B3GALT1: variants seen among roughly 807,000 people sequenced by gnomAD.
B3GALT1 encodes the protein UDP-Gal:betaGlcNAc beta 1,3-galactosyltransferase, polypeptide 1.
In B3GALT1, 10 loss-of-function variants were observed where a neutral mutation model predicts 23.2. The observed-to-expected ratio is 0.43, with a 90% confidence interval of 0.27 to 0.73. B3GALT1 has a LOEUF of 0.73. B3GALT1 is among the 30% of genes least tolerant of loss of function. The pLI, the probability that B3GALT1 is intolerant of heterozygous loss-of-function variation, is 0.21. For synonymous variants in B3GALT1, 156 were observed against 141.5 expected (o/e 1.10, Z -0.73); for missense variants, 299 against 405.4 (o/e 0.74, Z 2.25).
At chr2:167,442,208 C>G (rs1223484267) in intron 1 of B3GALT1, among the ~76,000 whole-genome samples, 1 of 152,060 alleles carries the variant, frequency 6.6e-6, no homozygotes, top group Non-Finnish European at 1.5e-5. Flanking sequence ...AGGACATGAA[C>G]TCATCATTTT....
chr2:167,347,828 A>G (rs1317322974), intron 1 of B3GALT1, among the ~76,000 whole-genome samples: 2 of 152,220 alleles, frequency 1.3e-5, no homozygotes, highest in Admixed American at 6.5e-5. Context: ...AAAACAATTC[A>G]CTTACTTTTT....
At chr2:167,768,831 G>C (rs1688020437) in intron 3 of B3GALT1, among the ~76,000 whole-genome samples, 1 of 152,194 alleles carries the variant, frequency 6.6e-6, no homozygotes, top group African/African-American at 2.4e-5. Flanking sequence ...GACTGTGCTT[G>C]ATAGCGATTA....
At chr2:167,665,424 CT>C (rs1686157623) in intron 3 of B3GALT1, among the ~76,000 whole-genome samples, 1 of 148,264 alleles carries the variant, frequency 6.7e-6, no homozygotes, top group African/African-American at 2.6e-5. Context: ...CTAAAATTCT[CT>C]TTTTTGGTTG....
chr2:167,861,808 C>G (rs1252511534), intron 4 of B3GALT1, among the ~76,000 whole-genome samples: 1 of 152,192 alleles, frequency 6.6e-6, no homozygotes, highest in Non-Finnish European at 1.5e-5. Flanking sequence ...CTTTGCATTT[C>G]CAAATCTACT....
chr2:167,402,395 C>CTTAAAA (rs1044385555), intron 1 of B3GALT1, among the ~76,000 whole-genome samples: 3 of 152,024 alleles, frequency 2.0e-5, no homozygotes, highest in African/African-American at 7.2e-5. Context: ...TGGAAACATG[C>CTTAAAA]ATTTAAGCAA....
At chr2:167,312,044 GAAA>G (rs1407787644) in intron 1 of B3GALT1, among the ~76,000 whole-genome samples, 1 of 151,616 alleles carries the variant, frequency 6.6e-6, no homozygotes, top group Non-Finnish European at 1.5e-5. Flanking sequence ...AAATAAAAGA[GAAA>G]AAGAAAAATT....
intron 3 of B3GALT1, among the ~76,000 whole-genome samples, chr2:167,672,954 G>C (rs1686358582): frequency 6.6e-6 from 1 of 151,142 alleles, no homozygotes; most frequent in Non-Finnish European, 1.5e-5. Flanking sequence ...ACTGAAAATT[G>C]ACTAGGAGTG....
intron 3 of B3GALT1, among the ~76,000 whole-genome samples, chr2:167,647,337 G>T (rs1457662927): frequency 6.6e-6 from 1 of 151,970 alleles, no homozygotes; most frequent in Non-Finnish European, 1.5e-5. Flanking sequence ...GGAAAGGGAA[G>T]CCCTGAGGGG....
intron 4 of B3GALT1, among the ~76,000 whole-genome samples, chr2:167,855,659 A>G (rs1052938988): frequency 9.8e-5 from 15 of 152,316 alleles, no homozygotes; most frequent in African/African-American, 3.6e-4. Flanking sequence ...ACAGATATAG[A>G]GAATGGCAAG....
chr2:167,589,896 C>T (rs73013377), intron 2 of B3GALT1, among the ~76,000 whole-genome samples: 2,581 of 152,224 alleles, frequency 0.017, 88 homozygotes, highest in African/African-American at 0.059. Context: ...GGTTCATCTC[C>T]AGTGACTCTA....
At chr2:167,376,261 G>C (rs1697761146) in intron 1 of B3GALT1, among the ~76,000 whole-genome samples, 1 of 152,054 alleles carries the variant, frequency 6.6e-6, no homozygotes, top group African/African-American at 2.4e-5. Flanking sequence ...ATTTTGTTGA[G>C]GATCTTGTGG....
chr2:167,346,745 T>TG lies in B3GALT1; in HGVS notation c.-511+53421dup, dbSNP rs202176994. ...AATTTCTGAGTTGTTTGTGTGTGTG[T>TG]GGGGGGGGGGTGGTGCGTGTGTGTG... On this transcript the variant is annotated intron_variant, in intron 1 of 4. Transcript: ENST00000392690. Among the ~76,000 whole-genome samples the TG allele has an allele frequency of 8.4e-3, 300 of 35,574 alleles. 3 individuals are homozygous for TG. Among genetic ancestry groups the TG allele is most frequent in the East Asian group, 0.055 (97 of 1,770 alleles). 23.3% of individuals were successfully genotyped at this position (35,574 alleles called of 152,430 possible). A position where few individuals can be genotyped will look rare whatever the true frequency, so the allele number is the denominator to read the frequency against.
At chr2:167,497,295 C>T (rs1574104474) in intron 2 of B3GALT1, among the ~76,000 whole-genome samples, 2 of 151,932 alleles carry the variant, frequency 1.3e-5, no homozygotes, top group Admixed American at 6.6e-5. Context: ...CTCCATGAAG[C>T]GGGAGGTATC....
intron 3 of B3GALT1, among the ~76,000 whole-genome samples, chr2:167,682,692 T>C (rs1442725835): frequency 1.3e-5 from 2 of 152,182 alleles, no homozygotes; most frequent in African/African-American, 4.8e-5. Flanking sequence ...GTGTCCTTCT[T>C]TCCTGGCAGC....
intron 1 of B3GALT1, among the ~76,000 whole-genome samples, chr2:167,394,986 C>T (rs1173135608): frequency 1.3e-5 from 2 of 152,058 alleles, no homozygotes. Flanking sequence ...AAGAATTTTG[C>T]CCCTGGATGT....
intron 1 of B3GALT1, among the ~76,000 whole-genome samples, chr2:167,469,158 A>C (rs1469684293): frequency 6.6e-6 from 1 of 152,196 alleles, no homozygotes; most frequent in African/African-American, 2.4e-5. Flanking sequence ...TGGTATTCTG[A>C]GAAGCAGCAT....
intron 1 of B3GALT1, among the ~76,000 whole-genome samples, chr2:167,393,732 A>C (rs1698054470): frequency 1.3e-5 from 2 of 152,276 alleles, no homozygotes; most frequent in East Asian, 1.9e-4. Context: ...TTTTGTTTCA[A>C]CTGCAGGCTT....
chr2:167,768,240 A>G (rs4667973), intron 3 of B3GALT1, among the ~76,000 whole-genome samples: 148,195 of 152,342 alleles, frequency 0.97, 72,222 homozygotes, highest in Non-Finnish European at 1. Flanking sequence ...TCACCATTAC[A>G]AAAGGTATTT....
chr2:167,630,505 T>C (rs1393835117), intron 2 of B3GALT1, among the ~76,000 whole-genome samples: 1 of 151,800 alleles, frequency 6.6e-6, no homozygotes, highest in Non-Finnish European at 1.5e-5. Context: ...TATTTGACAA[T>C]TATTGTTAAT....
Sources: gnomAD v4.1 joint callset for allele counts (sites outside exome capture counted in the v4.1 genomes callset) on GRCh38, gnomAD v4.1.1 for gene constraint, MANE v1.5 for transcripts, NCBI Gene and HGNC (gene_info 2026-07-23, HGNC 2026-07-21) for gene names.